The following ATP8A2 variants were observed in gnomAD, a reference collection of about 807,000 sequenced individuals.
ATP8A2 encodes ATPase phospholipid transporting 8A2, also known as phospholipid-transporting ATPase IB.
Under a neutral mutation model 165.6 loss-of-function variants are expected in ATP8A2, and 100 were observed. That is an observed-to-expected ratio of 0.60 (90% CI 0.51 to 0.71). ATP8A2 has a LOEUF of 0.71. Among genes scored for constraint, ATP8A2 ranks in the 30% least tolerant of loss-of-function variants. The pLI is 0.00. For synonymous variants in ATP8A2, 543 were observed against 548.8 expected, an observed-to-expected ratio of 0.99 and a Z score of 0.15; for missense variants, 1,227 against 1,479.5, an observed-to-expected ratio of 0.83 and a Z score of 2.80.
intron 24 of ATP8A2, among the ~76,000 whole-genome samples, chr13:25,647,663 C>T (rs2041707400): frequency 6.6e-6 from 1 of 151,704 alleles, no homozygotes; most frequent in Admixed American, 6.6e-5. Flanking sequence ...AGTTTTCAGC[C>T]ATTCTTTCTT....
At position 25,571,631 on chromosome 13, in the gene ATP8A2, G is replaced by C; in HGVS notation, c.1601G>C (p.Gly534Ala). 2.5e-6 allele frequency: 4 copies of C among 1,613,778 alleles called. No homozygotes were observed. The highest frequency in any genetic ancestry group is 3.4e-6 in the Non-Finnish European group (4 of 1,179,884). Residue 534 changes from glycine to alanine, a missense_variant, in exon 18 of 37, where the codon GGA becomes GCA. This residue lies in a region of ATP8A2 where 592 missense variants were observed against 785.6 expected (regional missense o/e 0.75). Coordinates refer to ENST00000381655, the MANE Select transcript of ATP8A2 (RefSeq NM_016529.6). ...SSPDEAALVK[G>A]AKKLGFVFTA... ...ACAGATGAAGCTGCTTTGGTGAAAGGAGCTAAAAAGCTGGGCTTTGTCTTC... is the reference window on the plus strand; with the variant it reads ...ACAGATGAAGCTGCTTTGGTGAAAGCAGCTAAAAAGCTGGGCTTTGTCTTC...
intron 24 of ATP8A2, among the ~76,000 whole-genome samples, chr13:25,684,609 A>C (rs2042562742): frequency 6.6e-6 from 1 of 152,248 alleles, no homozygotes. Flanking sequence ...TATTCCAAGT[A>C]ATGTGAACAG....
intron 27 of ATP8A2, among the ~76,000 whole-genome samples, chr13:25,813,447 TATG>T (rs1045034447): frequency 1.1e-4 from 13 of 121,746 alleles, no homozygotes; most frequent in African/African-American, 3.8e-4. Context: ...GATATGGTGA[TATG>T]ATGATGTGAT....
At chr13:25,722,161 A>G (rs1289958954) in intron 25 of ATP8A2, among the ~76,000 whole-genome samples, 1 of 152,154 alleles carries the variant, frequency 6.6e-6, no homozygotes, top group Non-Finnish European at 1.5e-5. Flanking sequence ...GCTTATAGCC[A>G]TCCTAGTGGG....
chr13:26,001,763 G>A (rs1354408192), intron 35 of ATP8A2, among the ~76,000 whole-genome samples: 2 of 151,784 alleles, frequency 1.3e-5, no homozygotes, highest in Admixed American at 6.6e-5. Flanking sequence ...TATATATTCT[G>A]GATACTAGAC....
At chr13:25,504,075 G>A (rs988060466) in intron 2 of ATP8A2, among the ~76,000 whole-genome samples, 2 of 152,224 alleles carry the variant, frequency 1.3e-5, no homozygotes, top group Admixed American at 6.5e-5. Context: ...GAGCATGTTG[G>A]AAGGAATCCA....
At chr13:25,418,744 C>T (rs564036902) in intron 1 of ATP8A2, among the ~76,000 whole-genome samples, 1 of 152,220 alleles carries the variant, frequency 6.6e-6, no homozygotes, top group South Asian at 2.1e-4. Flanking sequence ...TCGCAGAGCT[C>T]AGACAATGAA....
intron 1 of ATP8A2, among the ~76,000 whole-genome samples, chr13:25,397,053 C>A (rs2033451050): frequency 6.6e-6 from 1 of 152,158 alleles, no homozygotes; most frequent in Admixed American, 6.5e-5. Context: ...GTGGGGGTGG[C>A]TGTTTTCGCT....
intron 2 of ATP8A2, among the ~76,000 whole-genome samples, chr13:25,475,660 C>A (rs1593364888): frequency 6.6e-6 from 1 of 152,344 alleles, no homozygotes; most frequent in East Asian, 1.9e-4. Flanking sequence ...TCCCTTTTCT[C>A]TGCAACCTCA....
At chr13:25,433,720 A>G (rs575338948) in intron 1 of ATP8A2, among the ~76,000 whole-genome samples, 1 of 152,328 alleles carries the variant, frequency 6.6e-6, no homozygotes, top group East Asian at 1.9e-4. Flanking sequence ...AAAGTCATAG[A>G]ACCAACCTAA....
At chr13:25,699,128 T>C in intron 24 of ATP8A2, 45 bp from the exon 25 acceptor site, 1 of 1,427,490 alleles carries the variant, frequency 7.0e-7, no homozygotes. Flanking sequence ...GTTTTTGATA[T>C]TAAACACACA....
At chr13:25,491,411 A>G (rs2036524277) in intron 2 of ATP8A2, among the ~76,000 whole-genome samples, 1 of 151,270 alleles carries the variant, frequency 6.6e-6, no homozygotes, top group South Asian at 2.1e-4. Flanking sequence ...ATTATTTTGT[A>G]GAGATGGGGT....
chr13:25,377,677 T>C (rs2032683592), intron 1 of ATP8A2, among the ~76,000 whole-genome samples: 2 of 152,018 alleles, frequency 1.3e-5, no homozygotes, highest in Admixed American at 6.6e-5. Flanking sequence ...CTGTAATCCC[T>C]GTAACTCGGC....
At chr13:25,986,760 T>C (rs530754231) in intron 35 of ATP8A2, among the ~76,000 whole-genome samples, 16 of 152,328 alleles carry the variant, frequency 1.1e-4, no homozygotes, top group African/African-American at 3.1e-4. Flanking sequence ...TTATTCTCTA[T>C]TTTTGAATTT....
chr13:25,844,640 G>A (rs937993924), intron 30 of ATP8A2, among the ~76,000 whole-genome samples: 6 of 152,124 alleles, frequency 3.9e-5, no homozygotes, highest in Non-Finnish European at 8.8e-5. Context: ...AAAGCTGGGG[G>A]CCCTTGGTCT....
At chr13:25,391,050 T>C (rs2033228286) in intron 1 of ATP8A2, among the ~76,000 whole-genome samples, 1 of 152,210 alleles carries the variant, frequency 6.6e-6, no homozygotes, top group South Asian at 2.1e-4. Context: ...CCCTGCTTCT[T>C]TGAGCTAAGT....
chr13:25,646,965 C>T (rs780063749), intron 24 of ATP8A2, among the ~76,000 whole-genome samples: 9 of 152,144 alleles, frequency 5.9e-5, no homozygotes, highest in Non-Finnish European at 8.8e-5. Context: ...CAGTCTATTT[C>T]AAGCTGATAA....
At position 25,961,560 on chromosome 13, in the gene ATP8A2, T is replaced by C; in HGVS notation, c.3184-15T>C. On this transcript the variant is annotated splice_polypyrimidine_tract_variant and intron_variant, in intron 33 of 36. Coordinates refer to ENST00000381655, the MANE Select transcript of ATP8A2 (RefSeq NM_016529.6). ...GAGAAAGTATTCAAGCAAGTGTCAC[T>C]TCTATTTCTTGCAGGCAACTATGGT... 3 of 1,597,948 alleles carry C rather than the reference T, an allele frequency of 1.9e-6. No individual in the cohort carries two copies. The highest frequency in any genetic ancestry group is 2.6e-6 in the Non-Finnish European group (3 of 1,165,392).
chr13:25,410,633 T>C (rs1371417157), intron 1 of ATP8A2, among the ~76,000 whole-genome samples: 1 of 152,246 alleles, frequency 6.6e-6, no homozygotes, highest in African/African-American at 2.4e-5. Context: ...GGTGTTCTGC[T>C]AAGCTTTGCA....
Sources: gnomAD v4.1 joint callset for allele counts (sites outside exome capture counted in the v4.1 genomes callset) on GRCh38, gnomAD v4.1.1 for gene constraint, gnomAD v4.1.1 regional missense constraint, MANE v1.5 for transcripts, NCBI Gene and HGNC (gene_info 2026-07-23, HGNC 2026-07-21) for gene names.